Variants in RTN4R observed in about 807,000 individuals in gnomAD.
The protein encoded by RTN4R is reticulon 4 receptor, also known as reticulon-4 receptor.
RTN4R carries 4 observed loss-of-function variants against 27.7 expected under a neutral mutation model. The observed-to-expected ratio is 0.14, with a 90% CI of 0.07 to 0.33. RTN4R has a LOEUF of 0.33. Ranked by LOEUF, RTN4R falls within the 10% of genes least tolerant of loss-of-function variation. The probability of loss-of-function intolerance (pLI) is 1.00; values close to 1 mark genes in which losing one functional copy is unlikely to be tolerated. For missense variants in RTN4R, 554 were observed against 671.5 expected, an observed-to-expected ratio of 0.83 and a Z score of 1.93; for synonymous variants, 290 against 305.6, an observed-to-expected ratio of 0.95 and a Z score of 0.53.
At chr22:20,251,675 T>A (rs2051178562) in intron 1 of RTN4R, among the ~76,000 whole-genome samples, 1 of 112,044 alleles carries the variant, frequency 8.9e-6, no homozygotes, top group South Asian at 3.2e-4. Context: ...CTCAACACCA[T>A]CCTCAACACC....
intron 1 of RTN4R, among the ~76,000 whole-genome samples, chr22:20,246,739 C>A (rs1243497621): frequency 1.3e-5 from 2 of 152,356 alleles, no homozygotes; most frequent in South Asian, 2.1e-4. Flanking sequence ...CTCTGCCCAG[C>A]GATGCCAGGA....
chr22:20,241,880 C>T lies in RTN4R; in HGVS notation c.1253G>A (p.Gly418Asp). Residue 418 changes from glycine (G) to aspartate (D), a missense_variant, in exon 2 of 2, where the codon GGC (glycine) becomes GAC (aspartate). Coordinates refer to ENST00000043402, the MANE Select transcript of RTN4R (RefSeq NM_023004.6). ...GCGGGTGCGGTTCTTGCGTGAACAG[C>T]CTGGCCTCCGGCGAGGGCCCGAGGT... ...FPTSGPRRRPGCSRKNRTRSH... is the reference protein window; with the variant it reads ...FPTSGPRRRPDCSRKNRTRSH... The T allele has an allele frequency of 1.2e-6, 2 of 1,607,746 alleles. No individual in the cohort carries two copies. The highest frequency in any genetic ancestry group is 1.7e-6 in the Non-Finnish European group (2 of 1,177,644).
intron 1 of RTN4R, among the ~76,000 whole-genome samples, chr22:20,254,962 G>C (rs76826266): frequency 0.011 from 1,750 of 152,318 alleles, 32 homozygotes; most frequent in African/African-American, 0.039. Flanking sequence ...TGGGACCTGG[G>C]TTGGGAAACA....
At chr22:20,267,781 C>G (rs2145988892) in intron 1 of RTN4R, 2 of 406,482 alleles carry the variant, frequency 4.9e-6, no homozygotes, top group Admixed American at 7.0e-5. Context: ...CCCCCGCCCT[C>G]GACTTGGCCC....
intron 1 of RTN4R, among the ~76,000 whole-genome samples, chr22:20,264,044 G>A (rs2051262813): frequency 6.6e-6 from 1 of 152,200 alleles, no homozygotes; most frequent in Admixed American, 6.5e-5. Context: ...AGGAGGGGCA[G>A]GATCTGGCCC....
intron 1 of RTN4R, among the ~76,000 whole-genome samples, chr22:20,244,217 C>T (rs1402774645): frequency 6.6e-6 from 1 of 152,260 alleles, no homozygotes; most frequent in Non-Finnish European, 1.5e-5. Context: ...GAGCAGGATT[C>T]TGCAGACATG....
intron 1 of RTN4R, among the ~76,000 whole-genome samples, chr22:20,257,355 C>T (rs1022122409): frequency 6.6e-6 from 1 of 152,180 alleles, no homozygotes; most frequent in Non-Finnish European, 1.5e-5. Flanking sequence ...TATTTGGAGG[C>T]GGGGCCTTTG....
Position 20,242,781 on chromosome 22 carries a change from G to A in RTN4R, c.352C>T (p.Leu118Phe). 1 of 1,612,890 alleles carries A rather than the reference G, an allele frequency of 6.2e-7. No homozygotes were observed. Among genetic ancestry groups the A allele is most frequent in the Non-Finnish European group, 8.5e-7 (1 of 1,179,872 alleles). Residue 118 changes from leucine (L) to phenylalanine (F), a missense_variant, in exon 2 of 2, where the codon CTC becomes TTC. Physicochemically the swap from Leu to Phe is conservative, Grantham distance 22. Coordinates refer to ENST00000043402, the MANE Select transcript of RTN4R (RefSeq NM_023004.6). The part of the protein sequence containing the change: ...EQLDLSDNAQ[L>F]RSVDPATFHG... ...AATGTGGCAGGGTCCACAGACCGGA[G>A]CTGTGCATTATCGCTGAGGTCCAGC...
At chr22:20,261,670 G>A (rs2051248091) in intron 1 of RTN4R, among the ~76,000 whole-genome samples, 1 of 152,212 alleles carries the variant, frequency 6.6e-6, no homozygotes, top group Non-Finnish European at 1.5e-5. Flanking sequence ...AGGGCACCAG[G>A]CACTGCCCAC....
Position 20,255,276 on chromosome 22 carries a change from GA to G in RTN4R, c.23-12167del, listed in dbSNP as rs1289621281. 6.6e-6 allele frequency among the ~76,000 whole-genome samples: 1 copy of G among 151,858 alleles called. No homozygotes were observed. The highest frequency in any genetic ancestry group is 2.4e-5 in the African/African-American group (1 of 41,362). The stretch of plus-strand genomic sequence containing the variant: ...ATCTCAGAAAACAGATAAATAAAAA[GA>G]AAAAAAAGAAAGTGTATCTTCCAGA... On this transcript the variant is annotated intron_variant, in intron 1 of 1. Coordinates refer to ENST00000043402, the MANE Select transcript of RTN4R (RefSeq NM_023004.6). The surrounding 1 kb of genome is among the most constrained non-coding windows in gnomAD (Gnocchi z 4.8).
chr22:20,244,393 G>GAGCCCAGCA (rs1361073969), intron 1 of RTN4R, among the ~76,000 whole-genome samples: 2 of 152,318 alleles, frequency 1.3e-5, no homozygotes, highest in African/African-American at 2.4e-5. Context: ...CCTAAACGCA[G>GAGCCCAGCA]AGCCCAGCAA....
In RTN4R at chr22:20,268,127, A is replaced by T; in HGVS notation, c.-35T>A. ...TGGGCGGGGCGCGTCGGGGACTGAA[A>T]GTCGTTTCGGGGCGGGCGCCCGTCT... On this transcript the variant is annotated 5_prime_UTR_variant, in exon 1 of 2. Transcript: ENST00000043402. The T allele has an allele frequency of 9.0e-7, 1 of 1,108,724 alleles. No homozygotes were observed. Among genetic ancestry groups the T allele is most frequent in the Non-Finnish European group, 1.1e-6 (1 of 907,974 alleles). 68.7% of individuals were successfully genotyped at this position (1,108,724 alleles called of 1,614,324 possible). A position where few individuals can be genotyped will look rare whatever the true frequency, so the allele number is the denominator to read the frequency against.
chr22:20,266,707 G>A (rs1427371985), intron 1 of RTN4R, among the ~76,000 whole-genome samples: 5 of 152,170 alleles, frequency 3.3e-5, no homozygotes, highest in Admixed American at 6.5e-5. Flanking sequence ...TGGGCTTTGC[G>A]GTATTCAACG....
intron 1 of RTN4R, among the ~76,000 whole-genome samples, chr22:20,251,863 C>A (rs1389225734): frequency 4.9e-5 from 4 of 81,016 alleles, no homozygotes; most frequent in East Asian, 3.6e-4. Flanking sequence ...CCTCACCATC[C>A]TCATCACCAT....
At chr22:20,249,439 C>G (rs150919335) in intron 1 of RTN4R, among the ~76,000 whole-genome samples, 199 of 152,358 alleles carry the variant, frequency 1.3e-3, no homozygotes, top group Non-Finnish European at 2.2e-3. Flanking sequence ...GGATCTGCTG[C>G]ATGCACAAGG....
At chr22:20,253,911 G>A (rs2051198330) in intron 1 of RTN4R, among the ~76,000 whole-genome samples, 1 of 152,002 alleles carries the variant, frequency 6.6e-6, no homozygotes, top group Non-Finnish European at 1.5e-5. Context: ...AAAAACAAAG[G>A]AGAAAGACAA....
chr22:20,260,868 G>A (rs855050), intron 1 of RTN4R, among the ~76,000 whole-genome samples: 72,004 of 151,968 alleles, frequency 0.47, 17,843 homozygotes, highest in East Asian at 0.89. Context: ...CCCAAACTGC[G>A]CCGTAGGCTC....
intron 1 of RTN4R, among the ~76,000 whole-genome samples, chr22:20,246,180 G>A (rs1385985255): frequency 1.3e-5 from 2 of 152,230 alleles, no homozygotes; most frequent in African/African-American, 4.8e-5. Context: ...ACAGTCAGGG[G>A]AGGGCTGGCT....
At chr22:20,252,802 T>C (rs1225172264) in intron 1 of RTN4R, among the ~76,000 whole-genome samples, 1 of 152,090 alleles carries the variant, frequency 6.6e-6, no homozygotes, top group East Asian at 1.9e-4. Flanking sequence ...TGGGCTCAGA[T>C]GTAGCCTCTG....
Sources: gnomAD v4.1 joint callset for allele counts (sites outside exome capture counted in the v4.1 genomes callset) on GRCh38, gnomAD v4.1.1 for gene constraint, Gnocchi (gnomAD v3.1) non-coding constraint, MANE v1.5 for transcripts, NCBI Gene and HGNC (gene_info 2026-07-23, HGNC 2026-07-21) for gene names.